Variants in SBF2 observed in about 807,000 individuals in gnomAD.
SBF2 encodes the protein myotubularin-related protein 13.
A neutral mutation model predicts 225.2 loss-of-function variants in SBF2; 112 were observed. The ratio of observed to expected loss-of-function variants is 0.50; its 90% confidence interval spans 0.43 to 0.58. SBF2 has a LOEUF of 0.58. SBF2 is among the 20% of genes least tolerant of loss of function. The pLI, the probability that SBF2 is intolerant of heterozygous loss-of-function variation, is 0.00. For missense variants in SBF2, 1,996 were observed against 2,206.2 expected (o/e 0.90, Z 1.91); for synonymous variants, 763 against 773.3 (o/e 0.99, Z 0.22).
chr11:10,192,077 A>G (rs1212915804), intron 2 of SBF2, among the ~76,000 whole-genome samples: 2 of 152,136 alleles, frequency 1.3e-5, no homozygotes, highest in Non-Finnish European at 2.9e-5. Flanking sequence ...AGCACCAAAA[A>G]TTTCCCCTCA....
chr11:9,944,003 C>A (rs1258679551), intron 16 of SBF2, among the ~76,000 whole-genome samples: 1 of 152,122 alleles, frequency 6.6e-6, no homozygotes, highest in Non-Finnish European at 1.5e-5. Flanking sequence ...CCTTCAATAG[C>A]AGAATGGGCT....
At chr11:9,807,653 G>A (rs1164019289) in intron 32 of SBF2, among the ~76,000 whole-genome samples, 1 of 152,140 alleles carries the variant, frequency 6.6e-6, no homozygotes, top group African/African-American at 2.4e-5. Flanking sequence ...CTCCCAAACT[G>A]GGCAGACCAT....
intron 2 of SBF2, among the ~76,000 whole-genome samples, chr11:10,101,935 T>C (rs1049283458): frequency 6.6e-6 from 1 of 152,102 alleles, no homozygotes; most frequent in African/African-American, 2.4e-5. Context: ...TAGGGGTCCC[T>C]GAAACCAATA....
intron 2 of SBF2, among the ~76,000 whole-genome samples, chr11:10,122,532 C>T (rs1953520340): frequency 6.6e-6 from 1 of 152,190 alleles, no homozygotes; most frequent in Admixed American, 6.5e-5. Flanking sequence ...AATTATGTGG[C>T]ACACAGCCAA....
At position 10,116,131 on chromosome 11, in the gene SBF2, T is replaced by C. The variant is rs574525980; in HGVS notation, c.142-73150A>G. Among the ~76,000 whole-genome samples the C allele has an allele frequency of 1.2e-4, 18 of 152,268 alleles. No individual in the cohort carries two copies. In the East Asian group the frequency reaches 3.3e-3, roughly 28 times the overall value. ...TTGCCGTGAGCCGAGATCACGCCAC[T>C]GCACTCCAGCCTGGGCGACAGAGCG... is the stretch of plus-strand genomic sequence containing the variant. On this transcript the variant is annotated intron_variant, in intron 2 of 39. Transcript: ENST00000256190.
chr11:10,235,358 A>C (rs1335682547), intron 1 of SBF2, among the ~76,000 whole-genome samples: 4 of 152,162 alleles, frequency 2.6e-5, no homozygotes, highest in African/African-American at 9.6e-5. Context: ...AACGTGGAGA[A>C]ACCCCGTCTC....
At chr11:10,037,209 G>C (rs1400499926) in intron 3 of SBF2, among the ~76,000 whole-genome samples, 3 of 152,138 alleles carry the variant, frequency 2.0e-5, no homozygotes, top group Middle Eastern at 3.4e-3. Context: ...CTTCAGCATC[G>C]ATACTCTAAG....
chr11:9,869,167 C>T (rs12577195), intron 17 of SBF2, among the ~76,000 whole-genome samples: 13,957 of 152,194 alleles, frequency 0.092, 688 homozygotes, highest in East Asian at 0.18. Flanking sequence ...CTAGTGTCTA[C>T]CACAGGTAAC....
At chr11:9,831,481 T>C (rs535745150) in intron 27 of SBF2, among the ~76,000 whole-genome samples, 2 of 152,364 alleles carry the variant, frequency 1.3e-5, no homozygotes, top group South Asian at 4.1e-4. Flanking sequence ...CACATGGTTG[T>C]ACCTGGTGAA....
At chr11:9,862,203 CTTCT>C (rs764916221) in intron 17 of SBF2, among the ~76,000 whole-genome samples, 1 of 152,188 alleles carries the variant, frequency 6.6e-6, no homozygotes, top group Non-Finnish European at 1.5e-5. Flanking sequence ...TGCAGTTTGC[CTTCT>C]TTCTTTGTGG....
chr11:10,114,852 T>G (rs145758222), intron 2 of SBF2, among the ~76,000 whole-genome samples: 103 of 152,330 alleles, frequency 6.8e-4, no homozygotes, highest in African/African-American at 2.4e-3. Context: ...TTCTACATGA[T>G]GGTTTGTTTT....
At chr11:10,247,020 G>A (rs1959871638) in intron 1 of SBF2, among the ~76,000 whole-genome samples, 3 of 152,144 alleles carry the variant, frequency 2.0e-5, no homozygotes, top group African/African-American at 7.2e-5. Context: ...CCAGATGTTC[G>A]AAGTAAAAGT....
intron 2 of SBF2, among the ~76,000 whole-genome samples, chr11:10,169,901 T>C (rs1266647372): frequency 6.6e-6 from 1 of 152,210 alleles, no homozygotes; most frequent in Non-Finnish European, 1.5e-5. Context: ...TATCTCGTTG[T>C]AGTTTTGATC....
rs370136877 is a variant in SBF2 at position 9,832,139 on chromosome 11, G to A, written c.3652+85C>T. On this transcript the variant is annotated intron_variant, in intron 27 of 39. Transcript: ENST00000256190. The stretch of plus-strand genomic sequence containing the variant: ...GTGTGAGACAAGACTTGATGAAAAG[G>A]CACCATTCCCAGATTTTACTTCCTT... 10 of 1,186,562 alleles carry A rather than the reference G, an allele frequency of 8.4e-6. No homozygotes were observed. The African/African-American group carries it at 1.2e-4, about 14-fold the overall frequency. 73.5% of individuals were successfully genotyped at this position (1,186,562 alleles called of 1,614,324 possible).
chr11:10,180,648 T>A (rs2135284753), intron 2 of SBF2, among the ~76,000 whole-genome samples: 1 of 152,308 alleles, frequency 6.6e-6, no homozygotes, highest in Non-Finnish European at 1.5e-5. Flanking sequence ...TATTATCACT[T>A]TGAGTAAACT....
intron 16 of SBF2, among the ~76,000 whole-genome samples, chr11:9,950,453 A>G (rs1565047855): frequency 6.6e-6 from 1 of 152,330 alleles, no homozygotes; most frequent in East Asian, 1.9e-4. Flanking sequence ...ACTGCAGATA[A>G]TAGGACACTG....
At chr11:9,997,756 C>T (rs755266831) in intron 9 of SBF2, among the ~76,000 whole-genome samples, 3 of 152,082 alleles carry the variant, frequency 2.0e-5, no homozygotes, top group African/African-American at 4.8e-5. Context: ...CCAGCCTGGG[C>T]GACAGAGCAA....
In SBF2 at chr11:9,780,267, G is replaced by A. The variant is rs1851922213; in HGVS notation, c.*151C>T. The A allele has an allele frequency of 1.4e-6, 1 of 710,870 alleles. No individual in the cohort carries two copies. Among genetic ancestry groups the A allele is most frequent in the Non-Finnish European group, 2.5e-6 (1 of 397,636 alleles). 44.0% of individuals were successfully genotyped at this position (710,870 alleles called of 1,614,324 possible). A position where few individuals can be genotyped will look rare whatever the true frequency, so the allele number is the denominator to read the frequency against. ...GTGAAACACCTATTCAGGTTAAGTA[G>A]ATATAGCAACCCCTGCAAGAGGGGA... On this transcript the variant is annotated 3_prime_UTR_variant, in exon 40 of 40. Transcript: ENST00000256190.
At chr11:9,818,285 C>T (rs1349004889) in intron 28 of SBF2, among the ~76,000 whole-genome samples, 1 of 152,170 alleles carries the variant, frequency 6.6e-6, no homozygotes, top group Admixed American at 6.5e-5. Flanking sequence ...AGCTAAAATG[C>T]TAGCAGAGTC....
Sources: gnomAD v4.1 joint callset for allele counts (sites outside exome capture counted in the v4.1 genomes callset) on GRCh38, gnomAD v4.1.1 for gene constraint, MANE v1.5 for transcripts, NCBI Gene and HGNC (gene_info 2026-07-23, HGNC 2026-07-21) for gene names.